The following ZDHHC3 variants were observed in gnomAD, a reference collection of about 807,000 sequenced individuals.
ZDHHC3 encodes the protein zDHHC palmitoyltransferase 3.
A neutral mutation model predicts 30.6 loss-of-function variants in ZDHHC3; 9 were observed. The ratio of observed to expected loss-of-function variants is 0.29; its 90% CI spans 0.18 to 0.51. ZDHHC3 has a LOEUF of 0.51. Ranked by LOEUF, ZDHHC3 falls within the 20% of genes least tolerant of loss-of-function variation. The pLI is 0.97. For synonymous variants in ZDHHC3, 136 were observed against 140.2 expected (o/e 0.97, Z 0.21); for missense variants, 246 against 384.2 (o/e 0.64, Z 3.01).
chr3:44,951,881 T>G (rs1481441668), intron 2 of ZDHHC3, among the ~76,000 whole-genome samples: 1 of 152,164 alleles, frequency 6.6e-6, no homozygotes, highest in Non-Finnish European at 1.5e-5. Flanking sequence ...TGTGGGGCTG[T>G]GCCTCTCCCC....
rs1700890478 is a variant in ZDHHC3 at position 44,925,296 on chromosome 3, G to A, written c.*1393C>T. 1.0e-6 allele frequency: 1 copy of A among 985,820 alleles called. No homozygotes were observed. Among genetic ancestry groups the A allele is most frequent in the Non-Finnish European group, 1.2e-6 (1 of 829,938 alleles). The allele number at this position is 985,820 out of a possible 1,614,324, so 61.1% of individuals were successfully genotyped here. A position where few individuals can be genotyped will look rare whatever the true frequency, so the allele number is the denominator to read the frequency against. On this transcript the variant is annotated 3_prime_UTR_variant, in exon 7 of 7. Coordinates refer to ENST00000424952, the MANE Select transcript of ZDHHC3 (RefSeq NM_001135179.2). ...GCTAGATTAACTTTCGCCCTACCCAGGACAGGATTGAATAAACCTTAACTC... is the reference window on the plus strand; with the variant it reads ...GCTAGATTAACTTTCGCCCTACCCAAGACAGGATTGAATAAACCTTAACTC...
intron 1 of ZDHHC3, among the ~76,000 whole-genome samples, chr3:44,963,115 T>C (rs543172422): frequency 6.6e-6 from 1 of 152,346 alleles, no homozygotes; most frequent in East Asian, 1.9e-4. Flanking sequence ...GACCATATTC[T>C]GCATGGTGGA....
At chr3:44,947,112 T>C (rs1259382611) in intron 2 of ZDHHC3, among the ~76,000 whole-genome samples, 1 of 152,102 alleles carries the variant, frequency 6.6e-6, no homozygotes, top group Non-Finnish European at 1.5e-5. Context: ...AACCAACTTG[T>C]TATTGGGTGG....
chr3:44,971,245 T>C (rs991226559), intron 1 of ZDHHC3, among the ~76,000 whole-genome samples: 3 of 152,248 alleles, frequency 2.0e-5, no homozygotes, highest in African/African-American at 7.2e-5. Context: ...TACATATTCA[T>C]ATCTTGCCAA....
At chr3:44,954,135 C>T (rs993936737) in intron 2 of ZDHHC3, among the ~76,000 whole-genome samples, 7 of 150,562 alleles carry the variant, frequency 4.6e-5, no homozygotes, top group East Asian at 2.0e-4. Context: ...AATCAGTGGC[C>T]GGTAGTGGTC....
At chr3:44,962,317 T>C (rs1704545712) in intron 1 of ZDHHC3, among the ~76,000 whole-genome samples, 1 of 152,176 alleles carries the variant, frequency 6.6e-6, no homozygotes, top group Non-Finnish European at 1.5e-5. Context: ...TCATTCTTGA[T>C]TGTATTTATG....
chr3:44,947,741 C>T (rs1703076783), intron 2 of ZDHHC3, among the ~76,000 whole-genome samples: 1 of 152,224 alleles, frequency 6.6e-6, no homozygotes. Context: ...GTCTTCTACT[C>T]TATAGCCAGG....
At chr3:44,946,923 G>A (rs972798326) in intron 2 of ZDHHC3, among the ~76,000 whole-genome samples, 8 of 152,224 alleles carry the variant, frequency 5.3e-5, no homozygotes, top group African/African-American at 1.9e-4. Flanking sequence ...GGTGCTTCAG[G>A]AAGAGAGCTC....
chr3:44,972,855 A>G (rs1705516505), intron 1 of ZDHHC3, among the ~76,000 whole-genome samples: 2 of 152,164 alleles, frequency 1.3e-5, no homozygotes, highest in South Asian at 4.1e-4. Flanking sequence ...CAGGCATGCA[A>G]ACACACTGTC....
intron 2 of ZDHHC3, among the ~76,000 whole-genome samples, chr3:44,951,292 ACTC>A (rs1361551749): frequency 1.3e-5 from 2 of 151,972 alleles, no homozygotes; most frequent in African/African-American, 4.8e-5. Context: ...TCATGGCAGA[ACTC>A]CTTCCACATT....
In ZDHHC3 at chr3:44,921,069, G is replaced by T; in HGVS notation, c.*5620C>A. 1 of 985,434 alleles carries T rather than the reference G, an allele frequency of 1.0e-6. No homozygotes were observed. The highest frequency in any genetic ancestry group is 4.7e-5 in the South Asian group (1 of 21,284). The allele number at this position is 985,434 out of a possible 1,614,324, so 61.0% of individuals were successfully genotyped here. Reference sequence around the variant, plus strand: ...CAGGCTCAAGAGAACGAACAAAAATGGTTGATGCCTGGTAAGGGGGTCATA... The same window carrying T: ...CAGGCTCAAGAGAACGAACAAAAATTGTTGATGCCTGGTAAGGGGGTCATA... On this transcript the variant is annotated 3_prime_UTR_variant, in exon 7 of 7. Coordinates refer to ENST00000424952, the MANE Select transcript of ZDHHC3 (RefSeq NM_001135179.2).
chr3:44,934,846 C>T (rs561153893), intron 3 of ZDHHC3, among the ~76,000 whole-genome samples: 19 of 144,638 alleles, frequency 1.3e-4, no homozygotes, highest in Non-Finnish European at 2.4e-4. Context: ...AAGCTAAGAT[C>T]GTGCCACTGC....
chr3:44,939,560 C>A (rs556356938), intron 3 of ZDHHC3, among the ~76,000 whole-genome samples: 7 of 152,324 alleles, frequency 4.6e-5, no homozygotes, highest in Non-Finnish European at 1.0e-4. Context: ...GGCTCCTGAG[C>A]AGTTTCTCTT....
chr3:44,959,408 C>T lies in ZDHHC3; in HGVS notation c.29G>A (p.Arg10Gln), dbSNP rs1162755674. The change falls in exon 2 of 7, where the codon CGA becomes CAA. Residue 10 changes from arginine to glutamine, a missense_variant. Transcript: ENST00000424952. The surrounding 1 kb of genome is among the most constrained non-coding windows in gnomAD (Gnocchi z 4.3). MMLIPTHHF[R>Q]NIERKPEYLQ... is the part of the protein sequence containing the mutation. ...GTATTCTGGTTTCCGCTCAATGTTT[C>T]GGAAGTGGTGGGTGGGGATAAGCAT... 14 of 1,614,092 alleles carry T rather than the reference C, an allele frequency of 8.7e-6. No individual in the cohort carries two copies. The highest frequency in any genetic ancestry group is 1.2e-5 in the Non-Finnish European group (14 of 1,179,956).
chr3:44,918,259 C>A lies in ZDHHC3; in HGVS notation c.*8430G>T. On this transcript the variant is annotated 3_prime_UTR_variant, in exon 7 of 7. Coordinates refer to ENST00000424952, the MANE Select transcript of ZDHHC3 (RefSeq NM_001135179.2). ...GGGGGGGGGGGCGGGGTGTCCACGG[C>A]ATGGGTAAGATGGGGTCTGAGTGGG... The A allele has an allele frequency of 1.7e-6, 2 of 1,212,088 alleles. No individual in the cohort carries two copies. Among genetic ancestry groups the A allele is most frequent in the South Asian group, 2.9e-5 (2 of 68,054 alleles). The allele number at this position is 1,212,088 out of a possible 1,614,324, so 75.1% of individuals were successfully genotyped here.
intron 1 of ZDHHC3, among the ~76,000 whole-genome samples, chr3:44,963,894 T>C (rs912029885): frequency 6.6e-6 from 1 of 152,202 alleles, no homozygotes; most frequent in African/African-American, 2.4e-5. Context: ...AAGACATTCA[T>C]GGAGCAGCCA....
rs1045505479 is a variant in ZDHHC3, at chr3:44,919,163, A to C, written c.*7526T>G. The stretch of plus-strand genomic sequence containing the variant: ...CCTCATAAGATACTTATCAATTACA[A>C]AGGGAAAAACAGTACCTTAATAGCA... On this transcript the variant is annotated 3_prime_UTR_variant, in exon 7 of 7. Coordinates refer to ENST00000424952, the MANE Select transcript of ZDHHC3 (RefSeq NM_001135179.2). 1 of 940,862 alleles carries C rather than the reference A, an allele frequency of 1.1e-6. No individual in the cohort carries two copies. The highest frequency in any genetic ancestry group is 1.8e-5 in the African/African-American group (1 of 56,108). 58.3% of individuals were successfully genotyped at this position (940,862 alleles called of 1,614,324 possible). A position where few individuals can be genotyped will look rare whatever the true frequency, so the allele number is the denominator to read the frequency against.
At chr3:44,945,864 T>C (rs1457698353) in intron 2 of ZDHHC3, among the ~76,000 whole-genome samples, 1 of 152,204 alleles carries the variant, frequency 6.6e-6, no homozygotes, top group Non-Finnish European at 1.5e-5. Flanking sequence ...GCCAATTCTT[T>C]GATTAATTTT....
chr3:44,946,931 C>T (rs1236659082), intron 2 of ZDHHC3, among the ~76,000 whole-genome samples: 1 of 152,132 alleles, frequency 6.6e-6, no homozygotes, highest in Non-Finnish European at 1.5e-5. Flanking sequence ...AGGAAGAGAG[C>T]TCAGTTGCCT....
Sources: gnomAD v4.1 joint callset for allele counts (sites outside exome capture counted in the v4.1 genomes callset) on GRCh38, gnomAD v4.1.1 for gene constraint, Gnocchi (gnomAD v3.1) non-coding constraint, MANE v1.5 for transcripts, NCBI Gene and HGNC (gene_info 2026-07-23, HGNC 2026-07-21) for gene names.